Variants in ADGRB3 observed in about 807,000 individuals in gnomAD.
ADGRB3 encodes the protein adhesion G protein-coupled receptor B3, also known as brain-specific angiogenesis inhibitor 3.
Under a neutral mutation model 193.4 loss-of-function variants are expected in ADGRB3, and 37 were observed. The observed-to-expected ratio is 0.19, with a 90% CI of 0.15 to 0.25. The LOEUF is 0.25. ADGRB3 is among the 10% of genes least tolerant of loss of function. ADGRB3 has a pLI of 1.00. For synonymous variants in ADGRB3, 690 were observed against 644.2 expected, an observed-to-expected ratio of 1.07 and a Z score of -1.08; for missense variants, 1,637 against 1,852.9, an observed-to-expected ratio of 0.88 and a Z score of 2.14.
intron 13 of ADGRB3, among the ~76,000 whole-genome samples, chr6:69,020,507 T>C (rs918369754): frequency 6.6e-6 from 1 of 152,062 alleles, no homozygotes; most frequent in Non-Finnish European, 1.5e-5. Flanking sequence ...GTTATCTAGG[T>C]TTACCTTCTT....
intron 20 of ADGRB3, among the ~76,000 whole-genome samples, chr6:69,269,606 A>T (rs568231066): frequency 6.6e-6 from 1 of 152,272 alleles, no homozygotes; most frequent in East Asian, 1.9e-4. Flanking sequence ...AGTCAATGCT[A>T]ACACTAAATT....
chr6:68,976,021 C>T (rs1197474118), intron 10 of ADGRB3, among the ~76,000 whole-genome samples: 1 of 152,138 alleles, frequency 6.6e-6, no homozygotes, highest in Non-Finnish European at 1.5e-5. Context: ...AACAGGGCCT[C>T]CATACATGAA....
chr6:68,656,233 A>G (rs1768487516), intron 3 of ADGRB3, among the ~76,000 whole-genome samples: 1 of 151,608 alleles, frequency 6.6e-6, no homozygotes, highest in Non-Finnish European at 1.5e-5. Context: ...TAGATATTAC[A>G]AACAAGAGAA....
chr6:68,839,866 T>A (rs570015684), intron 3 of ADGRB3, among the ~76,000 whole-genome samples: 2 of 152,182 alleles, frequency 1.3e-5, no homozygotes, highest in East Asian at 3.9e-4. Context: ...GCAGCTGCAG[T>A]GGGGCATGGA....
At position 69,178,774 on chromosome 6, in the gene ADGRB3, T is replaced by C. The variant is rs570193556; in HGVS notation, c.2481-54516T>C. ...TTTTATTTAAGAATACTGAAAATAG[T>C]CCCTCAGTCTCTATTGGTTTATAAG... On this transcript the variant is annotated intron_variant, in intron 17 of 31. Coordinates refer to ENST00000370598, the MANE Select transcript of ADGRB3 (RefSeq NM_001704.3). Among the ~76,000 whole-genome samples, 4 of 152,328 alleles carry C rather than the reference T, an allele frequency of 2.6e-5. No homozygotes were observed. In the East Asian group the frequency reaches 7.7e-4, roughly 29 times the overall value.
chr6:69,266,186 T>C (rs1361708760), intron 20 of ADGRB3, among the ~76,000 whole-genome samples: 2 of 152,010 alleles, frequency 1.3e-5, no homozygotes, highest in African/African-American at 4.8e-5. Context: ...ACATGAAATA[T>C]TTACTTAATA....
intron 20 of ADGRB3, among the ~76,000 whole-genome samples, chr6:69,302,586 A>G (rs988149828): frequency 2.0e-5 from 3 of 151,974 alleles, no homozygotes; most frequent in African/African-American, 7.2e-5. Flanking sequence ...CTCTAGATGT[A>G]AGAGTCATAA....
chr6:69,265,467 A>G (rs1767021009), intron 20 of ADGRB3, among the ~76,000 whole-genome samples: 1 of 151,940 alleles, frequency 6.6e-6, no homozygotes, highest in East Asian at 1.9e-4. Context: ...CCCATGTTCC[A>G]TATGGGGAAG....
At chr6:69,199,630 A>G (rs190804928) in intron 17 of ADGRB3, among the ~76,000 whole-genome samples, 20 of 152,270 alleles carry the variant, frequency 1.3e-4, no homozygotes, top group Non-Finnish European at 2.2e-4. Context: ...TTCTATTCTC[A>G]CTTTAGTGGT....
At chr6:68,709,925 CCCTTG>C (rs1208229739) in intron 3 of ADGRB3, among the ~76,000 whole-genome samples, 3 of 152,290 alleles carry the variant, frequency 2.0e-5, no homozygotes, top group African/African-American at 7.2e-5. Flanking sequence ...CCCCTCTTAG[CCCTTG>C]CCTGTGGCAT....
intron 17 of ADGRB3, among the ~76,000 whole-genome samples, chr6:69,231,361 T>C (rs1306299691): frequency 6.6e-6 from 1 of 152,248 alleles, no homozygotes; most frequent in African/African-American, 2.4e-5. Context: ...ATTGATTTAT[T>C]GGGCATAGCT....
At chr6:69,040,307 C>CTCTCTCTT (rs1554251200) in intron 13 of ADGRB3, among the ~76,000 whole-genome samples, 41 of 94,808 alleles carry the variant, frequency 4.3e-4, no homozygotes, top group African/African-American at 6.2e-4. Flanking sequence ...CTTTCTCTGT[C>CTCTCTCTT]TCTTTCTTTC....
chr6:69,153,756 G>A (rs1044183013), intron 17 of ADGRB3, among the ~76,000 whole-genome samples: 1 of 152,140 alleles, frequency 6.6e-6, no homozygotes, highest in Non-Finnish European at 1.5e-5. Context: ...CACTTTGGGA[G>A]GCCAAGGCGG....
Position 69,142,779 on chromosome 6 carries a change from G to T in ADGRB3, c.2480+66741G>T, listed in dbSNP as rs78809661. Among the ~76,000 whole-genome samples, 86 of 152,296 alleles carry T rather than the reference G, an allele frequency of 5.6e-4. No homozygotes were observed. In the East Asian group the frequency reaches 0.013, roughly 23 times the overall value. On this transcript the variant is annotated intron_variant, in intron 17 of 31. Coordinates refer to ENST00000370598, the MANE Select transcript of ADGRB3 (RefSeq NM_001704.3). ...TCAATGTGAATGTCTCCTCATGTCT[G>T]TGAGGGGTCTCTGCTGAGAGTTCCT...
At position 68,832,000 on chromosome 6, in the gene ADGRB3, T is replaced by C. The variant is rs141123758; in HGVS notation, c.758-98559T>C. Among the ~76,000 whole-genome samples the C allele has an allele frequency of 1.1e-4, 16 of 152,318 alleles. No individual in the cohort carries two copies. In the East Asian group the frequency reaches 3.1e-3, roughly 29 times the overall value. Reference sequence around the variant, plus strand: ...AATAGCATCGTGTGTTATCACTAAGTATCAACTTAACAGCTACCTTTTCTT... The same window carrying C: ...AATAGCATCGTGTGTTATCACTAAGCATCAACTTAACAGCTACCTTTTCTT... On this transcript the variant is annotated intron_variant, in intron 3 of 31. Coordinates refer to ENST00000370598, the MANE Select transcript of ADGRB3 (RefSeq NM_001704.3).
At chr6:68,697,135 A>G (rs774933765) in intron 3 of ADGRB3, among the ~76,000 whole-genome samples, 10 of 152,018 alleles carry the variant, frequency 6.6e-5, no homozygotes, top group Non-Finnish European at 1.5e-4. Flanking sequence ...AGCTTCCCAT[A>G]TTAATGTCTA....
intron 17 of ADGRB3, among the ~76,000 whole-genome samples, chr6:69,087,035 G>A (rs1015675542): frequency 1.3e-5 from 2 of 152,084 alleles, no homozygotes; most frequent in Admixed American, 6.6e-5. Flanking sequence ...ACTTGCTTAA[G>A]TCTATAACCT....
chr6:69,079,469 A>C (rs139160289), intron 17 of ADGRB3, among the ~76,000 whole-genome samples: 1 of 152,148 alleles, frequency 6.6e-6, no homozygotes, highest in African/African-American at 2.4e-5. Flanking sequence ...AGCCAATATC[A>C]TACTGAATGG....
intron 17 of ADGRB3, among the ~76,000 whole-genome samples, chr6:69,154,549 T>G (rs1336550728): frequency 6.6e-6 from 1 of 152,210 alleles, no homozygotes; most frequent in African/African-American, 2.4e-5. Flanking sequence ...TAGAATAATT[T>G]TGTTCATATA....
Sources: gnomAD v4.1 joint callset for allele counts (sites outside exome capture counted in the v4.1 genomes callset) on GRCh38, gnomAD v4.1.1 for gene constraint, MANE v1.5 for transcripts, NCBI Gene and HGNC (gene_info 2026-07-23, HGNC 2026-07-21) for gene names.